IL18RAP: variants seen among roughly 807,000 people sequenced by gnomAD.
IL18RAP encodes interleukin-18 receptor accessory protein.
In IL18RAP, 37 loss-of-function variants were observed where a neutral mutation model predicts 58.1. That is an observed-to-expected ratio of 0.64 (90% CI 0.49 to 0.84). The LOEUF (loss-of-function observed/expected upper bound fraction) is 0.84, where lower values mean the gene tolerates loss of function less well. IL18RAP is among the 40% of genes least tolerant of loss of function. The pLI, the probability that IL18RAP is intolerant of heterozygous loss-of-function variation, is 0.00. For synonymous variants in IL18RAP, 268 were observed against 257.5 expected (o/e 1.04, Z -0.39); for missense variants, 667 against 704.8 (o/e 0.95, Z 0.61).
intron 3 of IL18RAP, among the ~76,000 whole-genome samples, chr2:102,431,805 T>A (rs1184499650): frequency 6.6e-6 from 1 of 151,950 alleles, no homozygotes; most frequent in African/African-American, 2.4e-5. Context: ...TTATTAAACT[T>A]TTCATTTTGT....
At chr2:102,443,859 T>A (rs1348059822) in intron 6 of IL18RAP, among the ~76,000 whole-genome samples, 2 of 152,198 alleles carry the variant, frequency 1.3e-5, no homozygotes, top group Non-Finnish European at 2.9e-5. Flanking sequence ...TTACATTGTT[T>A]GAGAAATTTG....
chr2:102,426,322 C>T (rs1681938654), intron 3 of IL18RAP, among the ~76,000 whole-genome samples: 1 of 152,104 alleles, frequency 6.6e-6, no homozygotes, highest in African/African-American at 2.4e-5. Flanking sequence ...GATACACCCA[C>T]CAGATATACA....
chr2:102,433,156 A>G (rs1264019550), intron 3 of IL18RAP, among the ~76,000 whole-genome samples: 1 of 152,140 alleles, frequency 6.6e-6, no homozygotes, highest in Non-Finnish European at 1.5e-5. Context: ...CACTCATGCC[A>G]CATTCTCTTG....
In IL18RAP at chr2:102,423,913, A is replaced by C; in HGVS notation, c.173A>C (p.His58Pro). ...LPEPQKSHFC[H>P]RNRLSPKQVP... The stretch of plus-strand genomic sequence containing the variant: ...GAGCCACAGAAATCACATTTCTGCC[A>C]CAGAAATCGACTCTCACCAAAACAA... Residue 58 changes from histidine (H) to proline (P), a missense_variant, in exon 2 of 10, where the codon CAC becomes CCC. Coordinates refer to ENST00000687160, the MANE Select transcript of IL18RAP (RefSeq NM_001393487.1). 1 of 1,613,848 alleles carries C rather than the reference A, an allele frequency of 6.2e-7. No homozygotes were observed.
At chr2:102,436,546 C>T (rs11465696) in intron 3 of IL18RAP, among the ~76,000 whole-genome samples, 167 of 152,026 alleles carry the variant, frequency 1.1e-3, no homozygotes, top group Non-Finnish European at 1.9e-3. Flanking sequence ...AGGGATGTGG[C>T]GTGGGGGAAT....
At position 102,447,083 on chromosome 2, in the gene IL18RAP, C is replaced by T; in HGVS notation, c.1086C>T (p.Tyr362=). ...LKEKRGVVLL[Y]ILLGTIGTLV... ...CTGTCTCCACAGTGGTGCTCCTGTA[C>T]ATCCTGCTTGGCACCATCGGGACCC... Residue 362 remains tyrosine, a synonymous_variant, in exon 8 of 10, where the codon TAC becomes TAT. Transcript: ENST00000687160. 1 of 1,614,012 alleles carries T rather than the reference C, an allele frequency of 6.2e-7. No individual in the cohort carries two copies. Among genetic ancestry groups the T allele is most frequent in the South Asian group, 1.1e-5 (1 of 91,080 alleles).
At chr2:102,443,160 C>T in intron 5 of IL18RAP, 40 bp from the exon 6 acceptor site, 1 of 1,590,156 alleles carries the variant, frequency 6.3e-7, no homozygotes, top group Non-Finnish European at 8.5e-7. Context: ...AGTATTCTCA[C>T]CAGCTTCCTT....
At chr2:102,449,904 C>T (rs559120280) in intron 8 of IL18RAP, among the ~76,000 whole-genome samples, 1 of 152,196 alleles carries the variant, frequency 6.6e-6, no homozygotes, top group African/African-American at 2.4e-5. Flanking sequence ...AGTTTCCCAA[C>T]CTCAGCTCTT....
chr2:102,426,434 T>TG (rs1681947875), intron 3 of IL18RAP, among the ~76,000 whole-genome samples: 1 of 151,500 alleles, frequency 6.6e-6, no homozygotes, highest in African/African-American at 2.4e-5. Context: ...TGTTTAAATT[T>TG]TTTTCAACTT....
chr2:102,426,985 A>G (rs1053695906), intron 3 of IL18RAP, among the ~76,000 whole-genome samples: 3 of 152,110 alleles, frequency 2.0e-5, no homozygotes, highest in Non-Finnish European at 2.9e-5. Context: ...TTAAGGTTCT[A>G]TATATGAGTG....
chr2:102,430,605 T>G (rs1682279385), intron 3 of IL18RAP, among the ~76,000 whole-genome samples: 1 of 152,144 alleles, frequency 6.6e-6, no homozygotes, highest in South Asian at 2.1e-4. Context: ...ATTTTCTGTG[T>G]GTTTTGTAGG....
intron 3 of IL18RAP, chr2:102,432,431 G>T (rs980772313): frequency 2.6e-5 from 4 of 154,254 alleles, no homozygotes; most frequent in Non-Finnish European, 5.9e-5. Flanking sequence ...TAACTAAAAG[G>T]GCACCCAAAT....
intron 3 of IL18RAP, among the ~76,000 whole-genome samples, chr2:102,429,381 A>G (rs1041222685): frequency 2.6e-5 from 4 of 151,934 alleles, no homozygotes; most frequent in African/African-American, 7.2e-5. Context: ...GTAGTTTCTT[A>G]TAATCCTTTG....
Position 102,424,009 on chromosome 2 carries a change from A to G in IL18RAP, c.269A>G (p.Asn90Ser). 2 of 1,614,108 alleles carry G rather than the reference A, an allele frequency of 1.2e-6. No homozygotes were observed. The highest frequency in any genetic ancestry group is 1.7e-6 in the Non-Finnish European group (2 of 1,179,992). Reference sequence around the variant, plus strand: ...GTCCAATGGTACCAACAACCTTCGAATGGAGATCCATTAGAGGACATTAGG... The same window carrying G: ...GTCCAATGGTACCAACAACCTTCGAGTGGAGATCCATTAGAGGACATTAGG... ...SDVQWYQQPS[N>S]GDPLEDIRKS... Residue 90 changes from asparagine to serine, a missense_variant, in exon 2 of 10, where the codon AAT (asparagine) becomes AGT (serine). Asn to Ser is a conservative substitution (Grantham distance 46). Transcript: ENST00000687160.
In IL18RAP at chr2:102,424,404, C is replaced by G. The variant is rs148604128; in HGVS notation, c.569C>G (p.Thr190Ser). 5.6e-6 allele frequency: 9 copies of G among 1,613,504 alleles called. No individual in the cohort carries two copies. The highest frequency in any genetic ancestry group is 5.3e-5 in the African/African-American group (4 of 74,874). Residue 190 changes from threonine (T) to serine (S), a missense_variant, in exon 3 of 10, where the codon ACC becomes AGC. Thr to Ser is a moderately conservative substitution (Grantham distance 58). Transcript: ENST00000687160. ...CQSDAQSPAV[T>S]WYKNGKLLSV... ...AGTGATGCACAAAGTCCAGCGGTAA[C>G]CTGGTACAAGGTAAGAGTGAATTCT...
At chr2:102,426,574 G>A (rs1681959732) in intron 3 of IL18RAP, among the ~76,000 whole-genome samples, 1 of 151,964 alleles carries the variant, frequency 6.6e-6, no homozygotes, top group Non-Finnish European at 1.5e-5. Context: ...ATGGGGAAAG[G>A]ATTACCTCTC....
intron 8 of IL18RAP, among the ~76,000 whole-genome samples, chr2:102,448,124 C>T (rs1683545558): frequency 6.6e-6 from 1 of 152,218 alleles, no homozygotes. Flanking sequence ...GAGTGTATGC[C>T]TGCCATGTGT....
chr2:102,436,230 T>G (rs1164150813), intron 3 of IL18RAP, among the ~76,000 whole-genome samples: 1 of 152,188 alleles, frequency 6.6e-6, no homozygotes, highest in East Asian at 1.9e-4. Flanking sequence ...TACGGCTCTG[T>G]GTCCTCCCAC....
intron 3 of IL18RAP, 58 bp downstream of exon 3, chr2:102,424,472 A>C: frequency 1.4e-6 from 2 of 1,468,230 alleles, no homozygotes; most frequent in Non-Finnish European, 1.9e-6. Context: ...TATCTTCTTC[A>C]TGGGCTTTTC....
Sources: allele counts gnomAD v4.1 joint callset (sites outside exome capture counted in the v4.1 genomes callset), GRCh38; gene constraint gnomAD v4.1.1; transcripts MANE v1.5; gene names NCBI Gene and HGNC (gene_info 2026-07-23, HGNC 2026-07-21).